Variants in PCDH9 observed in about 807,000 individuals in gnomAD.
PCDH9 encodes the protein protocadherin 9.
Under a neutral mutation model 70.6 loss-of-function variants are expected in PCDH9, and 24 were observed. The ratio of observed to expected loss-of-function variants is 0.34; its 90% CI spans 0.25 to 0.48. PCDH9 has a LOEUF of 0.48. Among genes scored for constraint, PCDH9 ranks in the 20% least tolerant of loss-of-function variants. The probability of loss-of-function intolerance (pLI) is 0.99; values close to 1 mark genes in which losing one functional copy is unlikely to be tolerated. For missense variants in PCDH9, 1,281 were observed against 1,503.6 expected (o/e 0.85, Z 2.45); for synonymous variants, 562 against 558.5 (o/e 1.01, Z -0.09).
In PCDH9 at chr13:67,225,656, T is replaced by G; in HGVS notation, c.2785A>C (p.Lys929Gln). The G allele has an allele frequency of 6.2e-7, 1 of 1,614,092 alleles. No homozygotes were observed. Among genetic ancestry groups the G allele is most frequent in the Non-Finnish European group, 8.5e-7 (1 of 1,180,012 alleles). Residue 929 changes from lysine (K) to glutamine (Q), a missense_variant, in exon 2 of 5, where the codon AAG (lysine) becomes CAG (glutamine). Around this residue, in one of 4 missense-constraint regions of PCDH9, gnomAD observed 207 missense variants for 191.8 expected, o/e 1.08. Coordinates refer to ENST00000377865, the MANE Select transcript of PCDH9 (RefSeq NM_203487.3). Reference sequence around the variant, plus strand: ...TTGGCCAGGTCAGGACTGTTAGGCTTGAATGTTGTTGGAGGTGCCGGGCCC... The same window carrying G: ...TTGGCCAGGTCAGGACTGTTAGGCTGGAATGTTGTTGGAGGTGCCGGGCCC... ...DWGPAPPTTF[K>Q]PNSPDLAKHY...
At chr13:66,722,981 A>C (rs936079981) in intron 3 of PCDH9, among the ~76,000 whole-genome samples, 2 of 151,966 alleles carry the variant, frequency 1.3e-5, no homozygotes, top group African/African-American at 2.4e-5. Flanking sequence ...AAAAAAAAAA[A>C]AAAAAGTGAT....
chr13:66,911,270 T>TG (rs1437356631), intron 2 of PCDH9, among the ~76,000 whole-genome samples: 2 of 152,120 alleles, frequency 1.3e-5, no homozygotes, highest in Non-Finnish European at 2.9e-5. Context: ...TTGCTGGGCA[T>TG]GGGGGTGTGA....
chr13:66,782,305 T>C (rs2080011319), intron 3 of PCDH9, among the ~76,000 whole-genome samples: 1 of 152,176 alleles, frequency 6.6e-6, no homozygotes, highest in Non-Finnish European at 1.5e-5. Context: ...AACCATAATT[T>C]TTTCCTAGTC....
At position 66,982,794 on chromosome 13, in the gene PCDH9, A is replaced by G. The variant is rs541847503; in HGVS notation, c.3037-79189T>C. ...CCTGGATTCTTCAATCTCGCTGGCA[A>G]CATTTGTTTCTTAATTTCAAACAGA... is the stretch of plus-strand genomic sequence containing the variant. On this transcript the variant is annotated intron_variant, in intron 2 of 4. Coordinates refer to ENST00000377865, the MANE Select transcript of PCDH9 (RefSeq NM_203487.3). Among the ~76,000 whole-genome samples, 8 of 152,326 alleles carry G rather than the reference A, an allele frequency of 5.3e-5. 1 individual carries two copies. The East Asian group carries it at 1.5e-3, about 29-fold the overall frequency.
chr13:66,532,147 T>C (rs979763179), intron 4 of PCDH9, among the ~76,000 whole-genome samples: 1 of 150,904 alleles, frequency 6.6e-6, no homozygotes, highest in Non-Finnish European at 1.5e-5. Flanking sequence ...TGTACCACCA[T>C]GTCCAGCTAT....
Position 66,678,151 on chromosome 13 carries a change from T to C in PCDH9, c.3139-46740A>G, listed in dbSNP as rs112165129. Among the ~76,000 whole-genome samples, 735 of 152,254 alleles carry C rather than the reference T, an allele frequency of 4.8e-3. 7 individuals carry two copies. Among genetic ancestry groups the C allele is most frequent in the African/African-American group, 0.017 (698 of 41,570 alleles). On this transcript the variant is annotated intron_variant, in intron 3 of 4. Coordinates refer to ENST00000377865, the MANE Select transcript of PCDH9 (RefSeq NM_203487.3). ...TAAAGTTGTTACGTTACAGTTCTCA[T>C]TTTCCTTCCACCTATTCCTGATGTT...
intron 4 of PCDH9, among the ~76,000 whole-genome samples, chr13:66,313,926 T>C (rs189060985): frequency 1.3e-4 from 20 of 152,364 alleles, no homozygotes; most frequent in Non-Finnish European, 2.4e-4. Context: ...TGAAAGATTA[T>C]ATTTTAAATG....
intron 2 of PCDH9, among the ~76,000 whole-genome samples, chr13:67,077,167 A>G (rs912854548): frequency 6.6e-6 from 1 of 152,046 alleles, no homozygotes; most frequent in African/African-American, 2.4e-5. Context: ...ACCACTCCCT[A>G]ATCAAAGCTC....
At chr13:67,110,192 T>C (rs1027234004) in intron 2 of PCDH9, among the ~76,000 whole-genome samples, 16 of 148,730 alleles carry the variant, frequency 1.1e-4, no homozygotes, top group Middle Eastern at 3.5e-3. Flanking sequence ...AGTGTTAATA[T>C]ACAGAAAATT....
At chr13:66,891,380 G>A (rs1191156055) in intron 3 of PCDH9, among the ~76,000 whole-genome samples, 1 of 151,840 alleles carries the variant, frequency 6.6e-6, no homozygotes, top group African/African-American at 2.4e-5. Context: ...TATATAACTA[G>A]GCGGATAAAT....
intron 2 of PCDH9, among the ~76,000 whole-genome samples, chr13:67,151,206 C>T (rs2087652041): frequency 6.6e-6 from 1 of 152,024 alleles, no homozygotes; most frequent in South Asian, 2.1e-4. Flanking sequence ...AAAAAAATCA[C>T]ATTCATGTGT....
rs140246984 is a variant in PCDH9 at position 66,920,140 on chromosome 13, G to A, written c.3037-16535C>T. Among the ~76,000 whole-genome samples, 267 of 151,162 alleles carry A rather than the reference G, an allele frequency of 1.8e-3. 1 individual carries two copies. Among genetic ancestry groups the A allele is most frequent in the Middle Eastern group, 6.8e-3 (2 of 292 alleles). On this transcript the variant is annotated intron_variant, in intron 2 of 4. Coordinates refer to ENST00000377865, the MANE Select transcript of PCDH9 (RefSeq NM_203487.3). ...ATCTAAACACTGTTTGTATTTACAT[G>A]TAAGAGATATGACTTAATAAACCCA...
chr13:67,028,234 C>T lies in PCDH9; in HGVS notation c.3037-124629G>A, dbSNP rs916971878. ...CACATATACACCATGGAATACTATG[C>T]AGCCATAAAAATGATGAGTTCATGT... On this transcript the variant is annotated intron_variant, in intron 2 of 4. Transcript: ENST00000377865. Among the ~76,000 whole-genome samples, 749 of 147,914 alleles carry T rather than the reference C, an allele frequency of 5.1e-3. 4 individuals carry two copies. The highest frequency in any genetic ancestry group is 0.017 in the African/African-American group (694 of 40,236).
rs2138134768 is a variant in PCDH9 at position 67,225,516 on chromosome 13, C to T, written c.2925G>A (p.Gly975=). The part of the protein sequence containing the change: ...QELPLDNTFV[G]GCDTLSKRSS... ...AGCGTTTAGAAAGGGTGTCACAACC[C>T]CCAACAAAGGTGTTGTCCAAAGGGA... is the stretch of plus-strand genomic sequence containing the variant. Residue 975 remains glycine (G), a synonymous_variant, in exon 2 of 5, where the codon GGG becomes GGA. Transcript: ENST00000377865. 1.2e-6 allele frequency: 2 copies of T among 1,614,024 alleles called. No individual in the cohort carries two copies. The highest frequency in any genetic ancestry group is 1.7e-6 in the Non-Finnish European group (2 of 1,179,980).
In PCDH9 at chr13:66,564,103, A is replaced by G. The variant is rs550069357; in HGVS notation, c.3340+67107T>C. On this transcript the variant is annotated intron_variant, in intron 4 of 4. Coordinates refer to ENST00000377865, the MANE Select transcript of PCDH9 (RefSeq NM_203487.3). ...AATAAACCAGGGGAATACAACAGTAATAAAAGCTGGCAGTCTAAAAGCAAC... is the reference window on the plus strand; with the variant it reads ...AATAAACCAGGGGAATACAACAGTAGTAAAAGCTGGCAGTCTAAAAGCAAC... Among the ~76,000 whole-genome samples, 4 of 152,286 alleles carry G rather than the reference A, an allele frequency of 2.6e-5. No homozygotes were observed. The South Asian group carries it at 8.3e-4, about 32-fold the overall frequency.
At chr13:66,350,255 G>T (rs900436661) in intron 4 of PCDH9, among the ~76,000 whole-genome samples, 1 of 152,158 alleles carries the variant, frequency 6.6e-6, no homozygotes, top group African/African-American at 2.4e-5. Flanking sequence ...ACTCCCCAGT[G>T]CTTAGTAAAA....
intron 4 of PCDH9, among the ~76,000 whole-genome samples, chr13:66,311,026 GA>G (rs1955550272): frequency 1.3e-5 from 2 of 152,168 alleles, no homozygotes; most frequent in African/African-American, 4.8e-5. Flanking sequence ...ACTTTAAAAT[GA>G]AAGATGCATT....
At chr13:66,900,671 A>C (rs531257655) in intron 3 of PCDH9, among the ~76,000 whole-genome samples, 103 of 151,894 alleles carry the variant, frequency 6.8e-4, no homozygotes, top group Non-Finnish European at 1.3e-3. Flanking sequence ...TGGTCACATC[A>C]GTCTCGGTTT....
chr13:66,587,537 C>A (rs2076979488), intron 4 of PCDH9, among the ~76,000 whole-genome samples: 1 of 152,100 alleles, frequency 6.6e-6, no homozygotes, highest in African/African-American at 2.4e-5. Context: ...CTGCTGTCAT[C>A]ACTACATGCT....
Sources: allele counts gnomAD v4.1 joint callset (sites outside exome capture counted in the v4.1 genomes callset), GRCh38; gene constraint gnomAD v4.1.1; regional missense constraint gnomAD v4.1.1; transcripts MANE v1.5; gene names NCBI Gene and HGNC (gene_info 2026-07-23, HGNC 2026-07-21).